ADSS2: variants seen among roughly 807,000 people sequenced by gnomAD.
ADSS2 encodes the protein adenylosuccinate synthase 2, also known as adenylosuccinate synthetase isozyme 2.
A neutral mutation model predicts 60.0 loss-of-function variants in ADSS2; 30 were observed. The ratio of observed to expected loss-of-function variants is 0.50; its 90% CI spans 0.37 to 0.68. The LOEUF (loss-of-function observed/expected upper bound fraction) is 0.68. ADSS2 is among the 30% of genes least tolerant of loss of function. ADSS2 has a pLI of 0.00. For missense variants in ADSS2, 373 were observed against 554.8 expected (o/e 0.67, Z 3.29); for synonymous variants, 187 against 193.1 (o/e 0.97, Z 0.26).
At chr1:244,424,236 T>C in intron 5 of ADSS2, 85 bp downstream of exon 5, 1 of 1,381,916 alleles carries the variant, frequency 7.2e-7, no homozygotes, top group Non-Finnish European at 1.0e-6. Flanking sequence ...TAATACTTAT[T>C]TTTCTTAAAC....
At chr1:244,430,416 G>T (rs781068846) in intron 4 of ADSS2, among the ~76,000 whole-genome samples, 2 of 152,156 alleles carry the variant, frequency 1.3e-5, no homozygotes, top group Admixed American at 1.3e-4. Context: ...TATCATCAGC[G>T]TATATTTATA....
chr1:244,440,271 T>C (rs977067308), intron 1 of ADSS2, among the ~76,000 whole-genome samples: 1 of 152,206 alleles, frequency 6.6e-6, no homozygotes, highest in Admixed American at 6.5e-5. Flanking sequence ...ACAAATTGAA[T>C]GTTACAACTT....
chr1:244,409,702 T>A, intron 12 of ADSS2, 64 bp from the exon 13 acceptor site: 2 of 1,286,306 alleles, frequency 1.6e-6, no homozygotes, highest in Non-Finnish European at 2.3e-6. Context: ...TCGTTGGGAT[T>A]AAAACAGGTA....
intron 2 of ADSS2, 35 bp downstream of exon 2, chr1:244,437,631 G>A: frequency 7.2e-7 from 1 of 1,387,378 alleles, no homozygotes; most frequent in African/African-American, 1.4e-5. Flanking sequence ...AACTGGTGGG[G>A]GGGAATCTCC....
chr1:244,411,389 G>A lies in ADSS2; in HGVS notation c.1216C>T (p.Pro406Ser). The change falls in exon 12 of 13, where the codon CCA (proline) becomes TCA (serine). Residue 406 changes from proline (P) to serine (S), a missense_variant. Pro to Ser is a moderately conservative substitution (Grantham distance 74). Around this residue, in one of 5 missense-constraint regions of ADSS2, gnomAD observed 130 missense variants for 169.4 expected, o/e 0.77. Transcript: ENST00000366535. ...TTTGATATGTCTGTGTTCCATCCTGGGAGAGTCTTATATTGAACTTCAACT... is the reference window on the plus strand; with the variant it reads ...TTTGATATGTCTGTGTTCCATCCTGAGAGAGTCTTATATTGAACTTCAACT... ...NKVEVQYKTL[P>S]GWNTDISNAR... The A allele has an allele frequency of 6.2e-7, 1 of 1,613,558 alleles. No homozygotes were observed. Among genetic ancestry groups the A allele is most frequent in the Non-Finnish European group, 8.5e-7 (1 of 1,179,798 alleles).
intron 10 of ADSS2, 33 bp from the exon 11 acceptor site, chr1:244,416,111 G>A (rs1391686064): frequency 6.8e-7 from 1 of 1,460,262 alleles, no homozygotes; most frequent in South Asian, 1.2e-5. Flanking sequence ...TGTTAAAAGA[G>A]CAGACTCTTA....
chr1:244,442,476 T>C (rs1005272336), intron 1 of ADSS2, among the ~76,000 whole-genome samples: 1 of 152,206 alleles, frequency 6.6e-6, no homozygotes, highest in Admixed American at 6.5e-5. Flanking sequence ...CATTGATTAT[T>C]ATATGGTTTA....
chr1:244,426,939 C>G (rs955199643), intron 4 of ADSS2, among the ~76,000 whole-genome samples: 2 of 152,098 alleles, frequency 1.3e-5, no homozygotes, highest in Non-Finnish European at 1.5e-5. Context: ...TTAAGGGATG[C>G]TTTTGGTTTT....
intron 4 of ADSS2, among the ~76,000 whole-genome samples, chr1:244,428,805 GAA>G (rs1664866365): frequency 6.6e-6 from 1 of 151,956 alleles, no homozygotes; most frequent in Non-Finnish European, 1.5e-5. Context: ...CATTTCTTTA[GAA>G]AACATAAATA....
intron 3 of ADSS2, among the ~76,000 whole-genome samples, chr1:244,436,115 G>A (rs1036680514): frequency 3.3e-5 from 5 of 152,192 alleles, no homozygotes; most frequent in Non-Finnish European, 2.9e-5. Context: ...ACTGTGACTC[G>A]CTGCATGAGG....
At chr1:244,413,290 G>A (rs1664455096) in intron 11 of ADSS2, among the ~76,000 whole-genome samples, 1 of 152,194 alleles carries the variant, frequency 6.6e-6, no homozygotes, top group Non-Finnish European at 1.5e-5. Flanking sequence ...AAGTAGGTAT[G>A]CCGGAACTGC....
intron 4 of ADSS2, 106 bp from the exon 5 acceptor site, chr1:244,424,493 A>G: frequency 1.2e-6 from 1 of 845,762 alleles, no homozygotes; most frequent in Non-Finnish European, 1.9e-6. Flanking sequence ...GCCTCATTTC[A>G]GTATAATAAA....
rs1664976815 is a variant in ADSS2, at chr1:244,432,663, T to TTTC, written c.356-69_356-68insGAA. The TTTC allele has an allele frequency of 1.2e-5, 6 of 519,752 alleles. No homozygotes were observed. The Admixed American group carries it at 2.3e-4, about 20-fold the overall frequency. 32.2% of individuals were successfully genotyped at this position (519,752 alleles called of 1,614,324 possible). A position where few individuals can be genotyped will look rare whatever the true frequency, so the allele number is the denominator to read the frequency against. ...AGCAGTTTTAAAATCTTAATTTCTT[T>TTTC]TTTTTTTTTTTTTTTTTTGAGACAG... On this transcript the variant is annotated intron_variant, in intron 3 of 12. Transcript: ENST00000366535.
At chr1:244,424,251 G>A (rs916469315) in intron 5 of ADSS2, 70 bp downstream of exon 5, 2 of 1,452,018 alleles carry the variant, frequency 1.4e-6, no homozygotes, top group Non-Finnish European at 1.9e-6. Context: ...TTAAACTTCT[G>A]GTCTAGAACT....
chr1:244,437,055 A>T (rs563156920), intron 2 of ADSS2, among the ~76,000 whole-genome samples, 162 bp from the exon 3 acceptor site: 1 of 152,336 alleles, frequency 6.6e-6, no homozygotes, highest in South Asian at 2.1e-4. Context: ...AGTGAATATA[A>T]AACACTAGAA....
At chr1:244,418,122 A>C (rs1302915981) in intron 9 of ADSS2, among the ~76,000 whole-genome samples, 1 of 152,202 alleles carries the variant, frequency 6.6e-6, no homozygotes, top group South Asian at 2.1e-4. Context: ...CTAATAAGTC[A>C]TTGATATCAT....
intron 6 of ADSS2, among the ~76,000 whole-genome samples, chr1:244,423,232 T>C (rs767901654): frequency 6.6e-6 from 1 of 152,204 alleles, no homozygotes; most frequent in African/African-American, 2.4e-5. Flanking sequence ...ATTAACTGTA[T>C]TATACTGTAC....
intron 9 of ADSS2, 112 bp from the exon 10 acceptor site, chr1:244,417,864 G>T: frequency 1.0e-6 from 1 of 994,138 alleles, no homozygotes; most frequent in Non-Finnish European, 1.4e-6. Flanking sequence ...CATCTTTCAG[G>T]TAATAACTAA....
Position 244,418,924 on chromosome 1 carries a change from G to T in ADSS2, c.791-10C>A. The T allele has an allele frequency of 6.3e-7, 1 of 1,582,644 alleles. No individual in the cohort carries two copies. The highest frequency in any genetic ancestry group is 8.6e-7 in the Non-Finnish European group (1 of 1,164,026). On this transcript the variant is annotated splice_polypyrimidine_tract_variant and intron_variant, in intron 8 of 12. Coordinates refer to ENST00000366535, the MANE Select transcript of ADSS2 (RefSeq NM_001126.5). ...ACAAAAGGGTAAGTCCCTAAAAACA[G>T]AAACAGACATTAAAATATAGTAGAC... is the stretch of plus-strand genomic sequence containing the variant.
Sources: allele counts gnomAD v4.1 joint callset (sites outside exome capture counted in the v4.1 genomes callset), GRCh38; gene constraint gnomAD v4.1.1; regional missense constraint gnomAD v4.1.1; transcripts MANE v1.5; gene names NCBI Gene and HGNC (gene_info 2026-07-23, HGNC 2026-07-21).